PDE11A: variants seen among roughly 807,000 people sequenced by gnomAD.
The protein encoded by PDE11A is dual 3',5'-cyclic-AMP and -GMP phosphodiesterase 11A.
In PDE11A, 100 loss-of-function variants were observed where a neutral mutation model predicts 100.5. The ratio of observed to expected loss-of-function variants is 1.00; its 90% CI spans 0.85 to 1.18. The LOEUF (loss-of-function observed/expected upper bound fraction) is 1.18, where lower values mean the gene tolerates loss of function less well. Among genes scored for constraint, PDE11A ranks in the 50% most tolerant of loss-of-function variants. PDE11A has a pLI of 0.00. For synonymous variants in PDE11A, 381 were observed against 420.8 expected (o/e 0.91, Z 1.16); for missense variants, 1,141 against 1,152.6 (o/e 0.99, Z 0.15).
intron 2 of PDE11A, among the ~76,000 whole-genome samples, chr2:177,957,049 A>G (rs1292053547): frequency 6.6e-6 from 1 of 152,034 alleles, no homozygotes; most frequent in Non-Finnish European, 1.5e-5. Flanking sequence ...CTTAAAGTAT[A>G]ATAATAATAA....
intron 10 of PDE11A, among the ~76,000 whole-genome samples, chr2:177,742,726 C>T (rs2081891559): frequency 6.6e-6 from 1 of 152,182 alleles, no homozygotes; most frequent in African/African-American, 2.4e-5. Flanking sequence ...ATTCAATGGA[C>T]AGATGTGAAA....
In PDE11A at chr2:177,884,347, T is replaced by C. The variant is rs554114907; in HGVS notation, c.1303-8424A>G. 2.0e-5 allele frequency among the ~76,000 whole-genome samples: 3 copies of C among 152,346 alleles called. No homozygotes were observed. The South Asian group carries it at 6.2e-4, about 32-fold the overall frequency. ...ATGATGTAGGTAACTCCCTTGTCTA[T>C]ACGTTTCTGTGAAACCCCATCTTTT... On this transcript the variant is annotated intron_variant, in intron 4 of 19. Coordinates refer to ENST00000286063, the MANE Select transcript of PDE11A (RefSeq NM_016953.4).
chr2:177,886,291 C>T (rs2084428281), intron 4 of PDE11A, among the ~76,000 whole-genome samples: 1 of 152,158 alleles, frequency 6.6e-6, no homozygotes, highest in African/African-American at 2.4e-5. Flanking sequence ...TTGACAAAAT[C>T]ACTTAAAATC....
chr2:177,986,588 T>C (rs13408518), intron 2 of PDE11A, among the ~76,000 whole-genome samples: 9,552 of 152,138 alleles, frequency 0.063, 313 homozygotes, highest in South Asian at 0.094. Context: ...TCCCAGCACT[T>C]TGGGAGGCCG....
chr2:177,890,063 G>A (rs1429700814), intron 4 of PDE11A, among the ~76,000 whole-genome samples: 2 of 152,164 alleles, frequency 1.3e-5, no homozygotes, highest in African/African-American at 4.8e-5. Context: ...TTGTCTTTGA[G>A]TGTGTTCTCA....
Position 177,726,282 on chromosome 2 carries a change from A to C in PDE11A, c.2043+1376T>G, listed in dbSNP as rs531653514. 7.2e-5 allele frequency among the ~76,000 whole-genome samples: 11 copies of C among 152,262 alleles called. No individual in the cohort carries two copies. In the East Asian group the frequency reaches 1.2e-3, roughly 16 times the overall value. On this transcript the variant is annotated intron_variant, in intron 12 of 19. Transcript: ENST00000286063. ...AGCACAAGTCCCTAGTATAAAAGACATTCTGGCCCCATCTTATGCTAGATG... is the reference window on the plus strand; with the variant it reads ...AGCACAAGTCCCTAGTATAAAAGACCTTCTGGCCCCATCTTATGCTAGATG...
At chr2:177,669,916 A>AATT (rs2080650928) in intron 17 of PDE11A, among the ~76,000 whole-genome samples, 1 of 152,212 alleles carries the variant, frequency 6.6e-6, no homozygotes, top group South Asian at 2.1e-4. Flanking sequence ...AATAATGTGT[A>AATT]ATTATTATTA....
chr2:177,843,663 T>C (rs1476864654), intron 5 of PDE11A, among the ~76,000 whole-genome samples: 1 of 152,202 alleles, frequency 6.6e-6, no homozygotes, highest in Non-Finnish European at 1.5e-5. Context: ...AGAAGGAATA[T>C]TGACTCTGTG....
intron 6 of PDE11A, among the ~76,000 whole-genome samples, chr2:177,821,729 C>A (rs952365271): frequency 1.3e-5 from 2 of 151,776 alleles, no homozygotes; most frequent in Non-Finnish European, 3.0e-5. Context: ...ACTAGGGTGA[C>A]CATAAATCCT....
chr2:178,039,832 A>C (rs1050196485), intron 1 of PDE11A, among the ~76,000 whole-genome samples: 13 of 152,120 alleles, frequency 8.5e-5, no homozygotes, highest in African/African-American at 3.1e-4. Context: ...AATGTTGAGC[A>C]GAAAAAGAAA....
intron 2 of PDE11A, among the ~76,000 whole-genome samples, chr2:177,955,751 T>TG (rs1418994123): frequency 3.5e-4 from 53 of 152,272 alleles, no homozygotes; most frequent in African/African-American, 1.2e-3. Flanking sequence ...TCAGAAATAA[T>TG]GCCACATATC....
At chr2:178,057,060 G>A (rs2086908724) in intron 1 of PDE11A, among the ~76,000 whole-genome samples, 1 of 152,096 alleles carries the variant, frequency 6.6e-6, no homozygotes, top group South Asian at 2.1e-4. Flanking sequence ...AAGAGGAGAT[G>A]TTGAGATAGC....
chr2:177,961,847 G>A (rs1010004321), intron 2 of PDE11A, among the ~76,000 whole-genome samples: 1 of 151,970 alleles, frequency 6.6e-6, no homozygotes, highest in Non-Finnish European at 1.5e-5. Context: ...GGGAGGCCGA[G>A]GTTAGAAGTT....
chr2:177,998,380 C>CT, intron 2 of PDE11A: 1 of 838,076 alleles, frequency 1.2e-6, no homozygotes, highest in South Asian at 1.3e-5. Context: ...CCTAAAGTCC[C>CT]TTTTCCATCC....
intron 2 of PDE11A, among the ~76,000 whole-genome samples, chr2:178,002,754 A>G (rs1475105655): frequency 1.3e-5 from 2 of 152,214 alleles, no homozygotes; most frequent in Non-Finnish European, 2.9e-5. Context: ...CACTGAATAA[A>G]CCAAAGGGTG....
At chr2:178,072,971 T>C (rs557317480), upstream of PDE11A, 9 of 985,314 alleles carry the variant, frequency 9.1e-6, no homozygotes, top group South Asian at 9.4e-5. Context: ...GGACTCCTGA[T>C]TGGAACACGA....
At chr2:177,721,714 T>A (rs146570060) in intron 12 of PDE11A, among the ~76,000 whole-genome samples, 2 of 152,238 alleles carry the variant, frequency 1.3e-5, no homozygotes, top group African/African-American at 4.8e-5. Flanking sequence ...GAACTGCATA[T>A]AATATAACAT....
intron 1 of PDE11A, among the ~76,000 whole-genome samples, chr2:178,106,816 C>T (rs1161311958): frequency 6.6e-6 from 1 of 151,560 alleles, no homozygotes; most frequent in East Asian, 1.9e-4. Context: ...AAAAATTAGC[C>T]GGGTGTGGTG....
chr2:177,634,279 C>A (rs1012898019), intron 19 of PDE11A, among the ~76,000 whole-genome samples: 1 of 152,062 alleles, frequency 6.6e-6, no homozygotes, highest in African/African-American at 2.4e-5. Context: ...GTTTTATATT[C>A]TCCTGAAACA....
Sources: allele counts gnomAD v4.1 joint callset (sites outside exome capture counted in the v4.1 genomes callset), GRCh38; gene constraint gnomAD v4.1.1; transcripts MANE v1.5; gene names NCBI Gene and HGNC (gene_info 2026-07-23, HGNC 2026-07-21).